The following DTD1 variants were observed in gnomAD, a reference collection of about 807,000 sequenced individuals.
The protein encoded by DTD1 is D-tyrosyl-tRNA deacylase 1 homolog.
A neutral mutation model predicts 25.6 loss-of-function variants in DTD1; 13 were observed. That is an observed-to-expected ratio of 0.51 (90% confidence interval 0.33 to 0.81). The LOEUF (loss-of-function observed/expected upper bound fraction) is 0.81. DTD1 is among the 30% of genes least tolerant of loss of function. DTD1 has a pLI of 0.02. For synonymous variants in DTD1, 110 were observed against 103.6 expected, an observed-to-expected ratio of 1.06 and a Z score of -0.37; for missense variants, 193 against 266.4, an observed-to-expected ratio of 0.72 and a Z score of 1.92.
At chr20:18,588,879 C>A (rs2060577313) in intron 1 of DTD1, 1 of 984,834 alleles carries the variant, frequency 1.0e-6, no homozygotes, top group Non-Finnish European at 1.2e-6. Flanking sequence ...TTTAAGAAAA[C>A]CACGGTACGA....
chr20:18,660,272 T>A (rs533769518), intron 4 of DTD1, among the ~76,000 whole-genome samples: 1 of 152,040 alleles, frequency 6.6e-6, no homozygotes, highest in African/African-American at 2.4e-5. Context: ...CAGGCTGGAG[T>A]GTAGTGGTGT....
intron 3 of DTD1, among the ~76,000 whole-genome samples, chr20:18,622,925 G>A (rs1203536378): frequency 7.2e-6 from 1 of 138,306 alleles, no homozygotes; most frequent in Non-Finnish European, 1.6e-5. Context: ...CAACTTATTA[G>A]AAGACAATTT....
chr20:18,695,173 G>A (rs980345180), intron 4 of DTD1, among the ~76,000 whole-genome samples: 4 of 152,032 alleles, frequency 2.6e-5, no homozygotes, highest in Non-Finnish European at 1.5e-5. Flanking sequence ...CCTTGTGCAA[G>A]TGTCAGCAAC....
At chr20:18,655,828 T>G (rs1258414332) in intron 4 of DTD1, among the ~76,000 whole-genome samples, 1 of 152,130 alleles carries the variant, frequency 6.6e-6, no homozygotes, top group African/African-American at 2.4e-5. Flanking sequence ...TGGAGTGCAA[T>G]GGCGTGATCC....
intron 3 of DTD1, among the ~76,000 whole-genome samples, chr20:18,614,734 T>C (rs2060702105): frequency 6.6e-6 from 1 of 152,112 alleles, no homozygotes; most frequent in South Asian, 2.1e-4. Context: ...GTTTTTTGTG[T>C]GGGCCCATTT....
chr20:18,652,803 T>C (rs1244654769), intron 4 of DTD1, among the ~76,000 whole-genome samples: 2 of 152,124 alleles, frequency 1.3e-5, no homozygotes, highest in Non-Finnish European at 2.9e-5. Flanking sequence ...ATAGGAAAAA[T>C]GCTTTGTAGA....
chr20:18,675,800 A>G (rs1163379162), intron 4 of DTD1, among the ~76,000 whole-genome samples: 1 of 120,914 alleles, frequency 8.3e-6, no homozygotes. Context: ...AAATATACCT[A>G]TGTGTATATT....
intron 4 of DTD1, among the ~76,000 whole-genome samples, chr20:18,640,551 A>G (rs1326224288): frequency 1.3e-5 from 2 of 151,842 alleles, no homozygotes; most frequent in African/African-American, 4.8e-5. Flanking sequence ...ATAACCTAAA[A>G]TTTTTAGGTA....
intron 4 of DTD1, among the ~76,000 whole-genome samples, chr20:18,629,715 G>C (rs1009378236): frequency 1.3e-5 from 2 of 152,022 alleles, no homozygotes; most frequent in Non-Finnish European, 2.9e-5. Context: ...AAAAAAAAGA[G>C]GTTTAATTGG....
intron 5 of DTD1, among the ~76,000 whole-genome samples, chr20:18,757,514 C>T (rs1349569766): frequency 2.6e-5 from 4 of 152,200 alleles, no homozygotes; most frequent in Non-Finnish European, 5.9e-5. Flanking sequence ...GCCTGTTCTG[C>T]ATCTATTGAG....
chr20:18,637,835 T>G (rs1264474797), intron 4 of DTD1, among the ~76,000 whole-genome samples: 1 of 152,232 alleles, frequency 6.6e-6, no homozygotes, highest in East Asian at 1.9e-4. Flanking sequence ...ACTAGTTTCC[T>G]GCAGATTATT....
chr20:18,634,964 T>C (rs939435271), intron 4 of DTD1, among the ~76,000 whole-genome samples: 3 of 152,160 alleles, frequency 2.0e-5, no homozygotes, highest in African/African-American at 7.2e-5. Flanking sequence ...AAGGAAGAAT[T>C]ATGTTGTTGC....
intron 4 of DTD1, among the ~76,000 whole-genome samples, chr20:18,718,708 C>A (rs2061191217): frequency 6.6e-6 from 1 of 152,204 alleles, no homozygotes; most frequent in South Asian, 2.1e-4. Context: ...CATGCACACA[C>A]ACACCCCTCT....
At chr20:18,759,551 T>G (rs2061352928) in intron 5 of DTD1, among the ~76,000 whole-genome samples, 1 of 152,246 alleles carries the variant, frequency 6.6e-6, no homozygotes, top group Non-Finnish European at 1.5e-5. Context: ...TTAAGAATGT[T>G]GAATATTGGC....
chr20:18,744,628 C>T (rs1335322331), intron 5 of DTD1, among the ~76,000 whole-genome samples: 2 of 89,098 alleles, frequency 2.2e-5, no homozygotes, highest in Non-Finnish European at 4.6e-5. Flanking sequence ...CAGAGCAAGA[C>T]TCCATCTCAA....
chr20:18,688,501 A>T (rs2061026622), intron 4 of DTD1, among the ~76,000 whole-genome samples: 1 of 151,996 alleles, frequency 6.6e-6, no homozygotes, highest in African/African-American at 2.4e-5. Context: ...TGGGAAGAGC[A>T]CTCCAGGGAG....
At chr20:18,690,148 A>AT (rs1307081566) in intron 4 of DTD1, among the ~76,000 whole-genome samples, 1 of 150,896 alleles carries the variant, frequency 6.6e-6, no homozygotes, top group East Asian at 1.9e-4. Context: ...AAAAAAAAAA[A>AT]AAAAAATTAA....
intron 4 of DTD1, among the ~76,000 whole-genome samples, chr20:18,720,558 C>T: frequency 6.6e-6 from 1 of 152,132 alleles, no homozygotes; most frequent in East Asian, 1.9e-4. Flanking sequence ...CAACAGGTAA[C>T]TTTAAAAGTT....
intron 4 of DTD1, among the ~76,000 whole-genome samples, chr20:18,743,529 A>G (rs527822448): frequency 6.6e-6 from 1 of 152,168 alleles, no homozygotes; most frequent in South Asian, 2.1e-4. Flanking sequence ...CTCTGTTTCT[A>G]CAGAAAAATT....
Sources: allele counts gnomAD v4.1 joint callset (sites outside exome capture counted in the v4.1 genomes callset), GRCh38; gene constraint gnomAD v4.1.1; transcripts MANE v1.5; gene names NCBI Gene and HGNC (gene_info 2026-07-23, HGNC 2026-07-21).